The following LYG1 variants were observed in gnomAD, a reference collection of about 807,000 sequenced individuals.
The protein encoded by LYG1 is lysozyme g-like protein 1.
A neutral mutation model predicts 21.7 loss-of-function variants in LYG1; 17 were observed. The observed-to-expected ratio is 0.78, with a 90% confidence interval of 0.54 to 1.18. LYG1 has a LOEUF of 1.18. LYG1 is among the 50% of genes most tolerant of loss of function. The pLI is 0.00. For missense variants in LYG1, 211 were observed against 238.1 expected (o/e 0.89, Z 0.75); for synonymous variants, 81 against 87.4 (o/e 0.93, Z 0.41).
In LYG1 at chr2:99,284,643, A is replaced by G. The variant is rs1354746955; in HGVS notation, c.466+45T>C. 13 of 1,606,000 alleles carry G rather than the reference A, an allele frequency of 8.1e-6. No individual in the cohort carries two copies. In the East Asian group the frequency reaches 1.1e-4, roughly 14 times the overall value. ...GGTGCAATGTATTATATTTGTCCCTATTAATTCTGTGCTTGAGACAACTGA... is the reference window on the plus strand; with the variant it reads ...GGTGCAATGTATTATATTTGTCCCTGTTAATTCTGTGCTTGAGACAACTGA... On this transcript the variant is annotated intron_variant, in intron 6 of 6. Coordinates refer to ENST00000308528, the MANE Select transcript of LYG1 (RefSeq NM_174898.3).
upstream of LYG1, among the ~76,000 whole-genome samples, chr2:99,303,573 C>T (rs2094160152): frequency 6.6e-6 from 1 of 152,154 alleles, no homozygotes; most frequent in Non-Finnish European, 1.5e-5. Flanking sequence ...CGGGACACTC[C>T]GCAGGCACAT....
Position 99,291,259 on chromosome 2 carries a change from C to T in LYG1, c.311G>A (p.Gly104Asp). Reference sequence around the variant, plus strand: ...TACCTGCACCATGCTAGTCCTATCGCCCATGTTGACCAGAATTTTGTCACC... The same window carrying T: ...TACCTGCACCATGCTAGTCCTATCGTCCATGTTGACCAGAATTTTGTCACC... ...SPGDKILVNMGDRTSMVQDPG... is the reference protein window; with the variant it reads ...SPGDKILVNMDDRTSMVQDPG... Residue 104 changes from glycine (G) to aspartate (D), a missense_variant, in exon 5 of 7, where the codon GGC (glycine) becomes GAC (aspartate). Gly to Asp is a moderately conservative substitution (Grantham distance 94). Transcript: ENST00000308528. 1 of 1,614,102 alleles carries T rather than the reference C, an allele frequency of 6.2e-7. No individual in the cohort carries two copies. Among genetic ancestry groups the T allele is most frequent in the African/African-American group, 1.3e-5 (1 of 75,020 alleles).
At chr2:99,294,078 C>G (rs938143756) in intron 3 of LYG1, among the ~76,000 whole-genome samples, 2 of 152,138 alleles carry the variant, frequency 1.3e-5, no homozygotes, top group East Asian at 1.9e-4. Flanking sequence ...CAAGCCAACA[C>G]ACCTGTGTAA....
At chr2:99,296,551 A>G (rs1039804660) in intron 2 of LYG1, among the ~76,000 whole-genome samples, 2 of 152,050 alleles carry the variant, frequency 1.3e-5, no homozygotes, top group African/African-American at 4.8e-5. Context: ...CCAATACACA[A>G]ATACCACCAA....
intron 5 of LYG1, among the ~76,000 whole-genome samples, chr2:99,289,873 T>TTG (rs2094113439): frequency 2.1e-5 from 3 of 145,468 alleles, no homozygotes; most frequent in Non-Finnish European, 4.6e-5. Context: ...TGTTGTTGTT[T>TTG]TTTGAGATGG....
chr2:99,289,340 G>T (rs2094111843), intron 5 of LYG1, among the ~76,000 whole-genome samples: 1 of 151,774 alleles, frequency 6.6e-6, no homozygotes, highest in Non-Finnish European at 1.5e-5. Context: ...CATGCTTGTA[G>T]TCCCAGCTAC....
chr2:99,299,133 G>T (rs1359057221), intron 1 of LYG1, among the ~76,000 whole-genome samples: 1 of 151,826 alleles, frequency 6.6e-6, no homozygotes, highest in Non-Finnish European at 1.5e-5. Context: ...CACCATGTTG[G>T]CCAGGCTGGT....
upstream of LYG1, among the ~76,000 whole-genome samples, chr2:99,304,342 C>T (rs2094161454): frequency 6.6e-6 from 1 of 152,184 alleles, no homozygotes; most frequent in Non-Finnish European, 1.5e-5. Flanking sequence ...CTCTTGTCTG[C>T]TGCCATGTGA....
chr2:99,293,235 G>A (rs1335929522), intron 3 of LYG1, among the ~76,000 whole-genome samples: 5 of 151,912 alleles, frequency 3.3e-5, no homozygotes, highest in Middle Eastern at 3.2e-3. Flanking sequence ...CAAGTGATCC[G>A]CCCGCCTCGG....
intron 3 of LYG1, among the ~76,000 whole-genome samples, chr2:99,295,103 A>G (rs140314079): frequency 2.6e-5 from 4 of 152,172 alleles, no homozygotes; most frequent in Non-Finnish European, 5.9e-5. Context: ...TTCCATCTCA[A>G]AAAAAACAAA....
chr2:99,301,230 C>A (rs1001231510), upstream of LYG1: 2 of 152,144 alleles, frequency 1.3e-5, no homozygotes, highest in Admixed American at 1.3e-4. Flanking sequence ...GCCTTTTATT[C>A]GAGAATGTCC....
intron 1 of LYG1, among the ~76,000 whole-genome samples, chr2:99,299,610 AGACGG>A (rs953695553): frequency 6.6e-6 from 1 of 151,770 alleles, no homozygotes; most frequent in African/African-American, 2.4e-5. Flanking sequence ...TTTTTAGTAA[AGACGG>A]GGTTTCGCCA....
At position 99,284,507 on chromosome 2, in the gene LYG1, T is replaced by A. The variant is rs1293413094; in HGVS notation, c.471A>T (p.Gly157=). 1 of 1,613,804 alleles carries A rather than the reference T, an allele frequency of 6.2e-7. No homozygotes were observed. Among genetic ancestry groups the A allele is most frequent in the Non-Finnish European group, 8.5e-7 (1 of 1,179,934 alleles). ...CAGCACCCCCACTGTAGGCACAGAG[T>A]CCACCTGAAATGCATGAGATAGGTT... The part of the protein sequence containing the change: ...TWTPDQYLRG[G]LCAYSGGAGY... Residue 157 remains glycine, a synonymous_variant, in exon 7 of 7, where the codon GGA becomes GGT. Transcript: ENST00000308528.
upstream of LYG1, among the ~76,000 whole-genome samples, chr2:99,301,373 A>G (rs1317486245): frequency 6.7e-6 from 1 of 150,058 alleles, no homozygotes; most frequent in Non-Finnish European, 1.5e-5. Context: ...AATGTGGGTT[A>G]GGTAAGAAAA....
rs888457302 is a variant in LYG1, at chr2:99,284,494, T to G, written c.484A>C (p.Ser162Arg). ...CTTCGGACATAGCCAGCACCCCCAC[T>G]GTAGGCACAGAGTCCACCTGAAATG... ...QYLRGGLCAY[S>R]GGAGYVRSSQ... The change falls in exon 7 of 7, where the codon AGT becomes CGT. Residue 162 changes from serine (S) to arginine (R), a missense_variant. Coordinates refer to ENST00000308528, the MANE Select transcript of LYG1 (RefSeq NM_174898.3). 3 of 1,614,040 alleles carry G rather than the reference T, an allele frequency of 1.9e-6. No individual in the cohort carries two copies. The highest frequency in any genetic ancestry group is 1.7e-6 in the Non-Finnish European group (2 of 1,180,018).
rs746734712 is a variant in LYG1, at chr2:99,284,384, T to G, written c.*9A>C. 5.0e-6 allele frequency: 8 copies of G among 1,612,748 alleles called. No homozygotes were observed. Among genetic ancestry groups the G allele is most frequent in the Non-Finnish European group, 6.8e-6 (8 of 1,178,884 alleles). Reference sequence around the variant, plus strand: ...TATGTGATCATGGTCTTGGGTTTCATCTGAGATGTTAGAAGCCATGTCTCT... The same window carrying G: ...TATGTGATCATGGTCTTGGGTTTCAGCTGAGATGTTAGAAGCCATGTCTCT... On this transcript the variant is annotated 3_prime_UTR_variant, in exon 7 of 7. Coordinates refer to ENST00000308528, the MANE Select transcript of LYG1 (RefSeq NM_174898.3).
upstream of LYG1, among the ~76,000 whole-genome samples, chr2:99,303,075 C>A (rs1330657933): frequency 6.6e-6 from 1 of 151,516 alleles, no homozygotes; most frequent in African/African-American, 2.4e-5. Context: ...GGTGAGACCA[C>A]AAGGCAGGGC....
In LYG1 at chr2:99,293,935, T is replaced by C. The variant is rs143183621; in HGVS notation, c.44-1295A>G. 3.3e-3 allele frequency among the ~76,000 whole-genome samples: 508 copies of C among 152,124 alleles called. 3 individuals carry two copies. Among genetic ancestry groups the C allele is most frequent in the African/African-American group, 0.012 (493 of 41,502 alleles). ...TTAATTAATTAATTAATTAATTAAT[T>C]TATCTATAGACAGGGTCTCACTGTC... is the stretch of plus-strand genomic sequence containing the variant. On this transcript the variant is annotated intron_variant, in intron 3 of 6. Coordinates refer to ENST00000308528, the MANE Select transcript of LYG1 (RefSeq NM_174898.3).
chr2:99,285,592 C>T (rs2094097052), intron 5 of LYG1, among the ~76,000 whole-genome samples: 3 of 152,166 alleles, frequency 2.0e-5, no homozygotes, highest in Admixed American at 2.0e-4. Flanking sequence ...GCATGTGCAT[C>T]CCGGAGACCC....
Sources: allele counts gnomAD v4.1 joint callset (sites outside exome capture counted in the v4.1 genomes callset), GRCh38; gene constraint gnomAD v4.1.1; transcripts MANE v1.5; gene names NCBI Gene and HGNC (gene_info 2026-07-23, HGNC 2026-07-21).